The following ZNF385D variants were observed in gnomAD, a reference collection of about 807,000 sequenced individuals.
ZNF385D encodes zinc finger protein 385D.
Under a neutral mutation model 35.8 loss-of-function variants are expected in ZNF385D, and 15 were observed. That is an observed-to-expected ratio of 0.42 (90% CI 0.28 to 0.64). The LOEUF (loss-of-function observed/expected upper bound fraction) is 0.64. Among genes scored for constraint, ZNF385D ranks in the 30% least tolerant of loss-of-function variants. ZNF385D has a pLI of 0.23. For missense variants in ZNF385D, 474 were observed against 494.6 expected, an observed-to-expected ratio of 0.96 and a Z score of 0.39; for synonymous variants, 212 against 186.8, an observed-to-expected ratio of 1.13 and a Z score of -1.10.
At chr3:22,246,558 C>A (rs1021840340) in intron 2 of ZNF385D, among the ~76,000 whole-genome samples, 1 of 152,124 alleles carries the variant, frequency 6.6e-6, no homozygotes, top group African/African-American at 2.4e-5. Context: ...CTAGACCTGA[C>A]TTTGCTATAA....
At chr3:21,880,404 T>TA (rs1301011566) in intron 3 of ZNF385D, among the ~76,000 whole-genome samples, 3 of 151,984 alleles carry the variant, frequency 2.0e-5, no homozygotes, top group Non-Finnish European at 2.9e-5. Flanking sequence ...ATTCTTTCAC[T>TA]GTATCTGTCA....
chr3:22,126,433 C>T (rs1559388640), intron 3 of ZNF385D, among the ~76,000 whole-genome samples: 1 of 143,790 alleles, frequency 7.0e-6, no homozygotes, highest in Admixed American at 7.2e-5. Context: ...TTTAAAATTT[C>T]CTTTTTAATT....
chr3:22,121,212 T>C (rs75356551), intron 3 of ZNF385D, among the ~76,000 whole-genome samples: 1 of 152,142 alleles, frequency 6.6e-6, no homozygotes, highest in East Asian at 1.9e-4. Flanking sequence ...CTCACTGTCT[T>C]AGCGATCTGT....
intron 3 of ZNF385D, among the ~76,000 whole-genome samples, chr3:21,942,129 G>A (rs1701551903): frequency 6.6e-6 from 1 of 152,096 alleles, no homozygotes; most frequent in Non-Finnish European, 1.5e-5. Flanking sequence ...ATTATGTCAA[G>A]TAACTGATAA....
intron 1 of ZNF385D, among the ~76,000 whole-genome samples, chr3:21,714,771 A>G (rs1385611430): frequency 6.6e-6 from 1 of 152,206 alleles, no homozygotes; most frequent in Admixed American, 6.5e-5. Flanking sequence ...TGAGAGGGTT[A>G]TCTATAATTT....
At chr3:21,568,803 T>TA (rs2063234161) in intron 2 of ZNF385D, among the ~76,000 whole-genome samples, 1 of 152,132 alleles carries the variant, frequency 6.6e-6, no homozygotes, top group African/African-American at 2.4e-5. Flanking sequence ...ATTTTTAAAA[T>TA]ATAAGTAAAA....
intron 3 of ZNF385D, among the ~76,000 whole-genome samples, chr3:21,839,558 C>T (rs1695534485): frequency 6.6e-6 from 1 of 152,172 alleles, no homozygotes; most frequent in African/African-American, 2.4e-5. Context: ...GCAAGAGAGG[C>T]TAGCTTTTTC....
In ZNF385D at chr3:22,207,815, C is replaced by A. The variant is rs577486739; in HGVS notation, c.107-38780G>T. Reference sequence around the variant, plus strand: ...TAGACATTTCTTGAAAGAAGACATACAAATGGCAAACAGTGCCCCATATCA... The same window carrying A: ...TAGACATTTCTTGAAAGAAGACATAAAAATGGCAAACAGTGCCCCATATCA... On this transcript the variant is annotated intron_variant, in intron 2 of 5. Coordinates refer to the ZNF385D transcript ENST00000494108. Among the ~76,000 whole-genome samples, 7 of 151,952 alleles carry A rather than the reference C, an allele frequency of 4.6e-5. No homozygotes were observed. The South Asian group carries it at 1.4e-3, about 31-fold the overall frequency.
intron 3 of ZNF385D, among the ~76,000 whole-genome samples, chr3:22,007,740 AATC>A (rs1407679929): frequency 1.1e-4 from 17 of 152,102 alleles, no homozygotes; most frequent in Non-Finnish European, 1.5e-4. Context: ...TTATGTTAAT[AATC>A]ATCACTTGTA....
At chr3:22,224,211 G>C (rs190381990) in intron 2 of ZNF385D, among the ~76,000 whole-genome samples, 227 of 152,278 alleles carry the variant, frequency 1.5e-3, no homozygotes, top group African/African-American at 4.7e-3. Flanking sequence ...GTAGATTTCA[G>C]ATGAAGAAAG....
At chr3:22,145,010 A>ATGTGTGTG (rs36060381) in intron 3 of ZNF385D, among the ~76,000 whole-genome samples, 554 of 149,036 alleles carry the variant, frequency 3.7e-3, no homozygotes, top group African/African-American at 0.012. Flanking sequence ...GAAGATACAT[A>ATGTGTGTG]TGTGTGTGTG....
rs868123304 is a variant in ZNF385D, at chr3:22,298,716, A to T, written c.106+73734T>A. Among the ~76,000 whole-genome samples, 143 of 151,000 alleles carry T rather than the reference A, an allele frequency of 9.5e-4. 2 individuals are homozygous for T. The highest frequency in any genetic ancestry group is 1.9e-3 in the Non-Finnish European group (128 of 67,620). On this transcript the variant is annotated intron_variant, in intron 2 of 5. Transcript: ENST00000494108. ...ATAGAAAACAACAAAAACCAAAAAA[A>T]AAAAATAAAATGATCTAATTTCCAT...
chr3:21,483,593 G>T (rs1412731071), intron 4 of ZNF385D, among the ~76,000 whole-genome samples: 1 of 152,098 alleles, frequency 6.6e-6, no homozygotes, highest in Non-Finnish European at 1.5e-5. Context: ...GATGGGATTT[G>T]TTATTTATTT....
intron 2 of ZNF385D, among the ~76,000 whole-genome samples, chr3:22,280,305 T>C (rs998592051): frequency 4.6e-5 from 7 of 152,138 alleles, no homozygotes; most frequent in African/African-American, 1.7e-4. Context: ...GTATTTGTTT[T>C]GTTGCCTTTG....
chr3:21,566,841 A>C (rs1474431653), intron 2 of ZNF385D, among the ~76,000 whole-genome samples: 1 of 152,130 alleles, frequency 6.6e-6, no homozygotes, highest in African/African-American at 2.4e-5. Context: ...CTCTGTGGTC[A>C]TTCTCTGCCT....
intron 2 of ZNF385D, among the ~76,000 whole-genome samples, chr3:22,232,322 T>G (rs1179660068): frequency 2.1e-5 from 1 of 46,514 alleles, no homozygotes; most frequent in Admixed American, 1.7e-4. Flanking sequence ...TGATTACACC[T>G]TTTTTTTTTT....
At chr3:21,444,080 CTTT>C (rs11390309) in intron 4 of ZNF385D, among the ~76,000 whole-genome samples, 15 of 132,694 alleles carry the variant, frequency 1.1e-4, no homozygotes, top group African/African-American at 3.2e-4. Context: ...GGATTTCCCT[CTTT>C]TTTTTTTTTT....
intron 1 of ZNF385D, among the ~76,000 whole-genome samples, chr3:21,681,298 T>TG (rs367942289): frequency 0.042 from 2,682 of 64,398 alleles, 173 homozygotes; most frequent in African/African-American, 0.093. Context: ...ATTCCATCAG[T>TG]AAAAAAAAAA....
At position 21,773,141 on chromosome 3, in the gene ZNF385D, C is replaced by A. The variant is rs558733816; in HGVS notation, c.326-108113G>T. 1.3e-4 allele frequency among the ~76,000 whole-genome samples: 20 copies of A among 151,796 alleles called. No individual in the cohort carries two copies. The South Asian group carries it at 4.1e-3, about 31-fold the overall frequency. On this transcript the variant is annotated intron_variant, in intron 3 of 5. Coordinates refer to the ZNF385D transcript ENST00000494108. ...AAGGTGATAAAGGTGGTAATGGTTG[C>A]ACAACATTATGAATACGTTTAATAC...
Sources: gnomAD v4.1 joint callset for allele counts (sites outside exome capture counted in the v4.1 genomes callset) on GRCh38, gnomAD v4.1.1 for gene constraint, MANE v1.5 for transcripts, NCBI Gene and HGNC (gene_info 2026-07-23, HGNC 2026-07-21) for gene names.